ARHGAP26: variants seen among roughly 807,000 people sequenced by gnomAD.
ARHGAP26 encodes Rho GTPase activating protein 26, also known as rho GTPase-activating protein 26.
A neutral mutation model predicts 104.8 loss-of-function variants in ARHGAP26; 38 were observed. The observed-to-expected ratio is 0.36, with a 90% CI of 0.28 to 0.48. The LOEUF (loss-of-function observed/expected upper bound fraction) is 0.48. Among genes scored for constraint, ARHGAP26 ranks in the 20% least tolerant of loss-of-function variants. ARHGAP26 has a pLI of 0.99. For synonymous variants in ARHGAP26, 341 were observed against 340.0 expected (o/e 1.00, Z -0.03); for missense variants, 704 against 947.9 (o/e 0.74, Z 3.38).
At chr5:143,196,918 A>C (rs1234130521) in intron 20 of ARHGAP26, among the ~76,000 whole-genome samples, 8 of 152,188 alleles carry the variant, frequency 5.3e-5, no homozygotes, top group Non-Finnish European at 1.2e-4. Flanking sequence ...GATACATTTT[A>C]GTAAGTAGGT....
intron 1 of ARHGAP26, among the ~76,000 whole-genome samples, chr5:142,782,820 A>T (rs11738496): frequency 6.6e-6 from 1 of 152,158 alleles, no homozygotes; most frequent in Non-Finnish European, 1.5e-5. Flanking sequence ...TAGCAGTGTA[A>T]GCAGGCCTGT....
intron 20 of ARHGAP26, among the ~76,000 whole-genome samples, chr5:143,156,883 AG>A (rs1800530223): frequency 6.6e-6 from 1 of 152,266 alleles, no homozygotes; most frequent in African/African-American, 2.4e-5. Flanking sequence ...CCAAAAGCCC[AG>A]TCAGCTGCTT....
At chr5:143,047,428 T>G (rs1252593040) in intron 14 of ARHGAP26, among the ~76,000 whole-genome samples, 1 of 152,242 alleles carries the variant, frequency 6.6e-6, no homozygotes, top group East Asian at 1.9e-4. Context: ...CCTTCACATG[T>G]TAAATATAAA....
chr5:143,033,150 T>G (rs1782132167), intron 12 of ARHGAP26, among the ~76,000 whole-genome samples: 1 of 152,256 alleles, frequency 6.6e-6, no homozygotes, highest in Non-Finnish European at 1.5e-5. Flanking sequence ...CCATTTGAAC[T>G]TAGACAACTA....
At chr5:142,895,710 C>A (rs1329917472) in intron 6 of ARHGAP26, among the ~76,000 whole-genome samples, 1 of 152,070 alleles carries the variant, frequency 6.6e-6, no homozygotes, top group African/African-American at 2.4e-5. Context: ...GGTGGCCAGG[C>A]ACAGTGGCTC....
chr5:143,004,136 C>G (rs245847), intron 11 of ARHGAP26, among the ~76,000 whole-genome samples: 43,183 of 151,780 alleles, frequency 0.28, 6,973 homozygotes, highest in East Asian at 0.67. Context: ...GAACACTCAT[C>G]AGTGTATAAG....
At position 142,770,672 on chromosome 5, in the gene ARHGAP26, C is replaced by A. The variant is rs1255722689; in HGVS notation, c.-90C>A. ...TGGAGCCGGCGGCCGTCGGGGGAGC[C>A]GGCCGGGGTCCCGCCGCGTGAGTGC... On this transcript the variant is annotated 5_prime_UTR_variant, in exon 1 of 23. Coordinates refer to ENST00000645722, the MANE Select transcript of ARHGAP26 (RefSeq NM_001135608.3). 3.1e-6 allele frequency: 3 copies of A among 973,294 alleles called. No homozygotes were observed. The African/African-American group carries it at 5.3e-5, about 17-fold the overall frequency. 60.3% of individuals were successfully genotyped at this position (973,294 alleles called of 1,614,324 possible). A position where few individuals can be genotyped will look rare whatever the true frequency, so the allele number is the denominator to read the frequency against.
At chr5:143,199,575 G>A (rs1163922769) in intron 20 of ARHGAP26, among the ~76,000 whole-genome samples, 2 of 152,158 alleles carry the variant, frequency 1.3e-5, no homozygotes, top group African/African-American at 2.4e-5. Flanking sequence ...CATCATAGGG[G>A]CAAAATCAAA....
rs183215408 is a variant in ARHGAP26, at chr5:143,055,821, G to T, written c.1374-207G>T. Among the ~76,000 whole-genome samples the T allele has an allele frequency of 1.2e-4, 18 of 152,264 alleles. No homozygotes were observed. The East Asian group carries it at 3.3e-3, about 28-fold the overall frequency. Reference sequence around the variant, plus strand: ...TTAGTGTTGACAATGAAACATAGTTGTGTCTATTCATTTAAGAAAGAGAGA... The same window carrying T: ...TTAGTGTTGACAATGAAACATAGTTTTGTCTATTCATTTAAGAAAGAGAGA... On this transcript the variant is annotated intron_variant, in intron 15 of 22. Transcript: ENST00000645722.
rs186128584 is a variant in ARHGAP26, at chr5:143,104,503, C to A, written c.1539-16485C>A. On this transcript the variant is annotated intron_variant, in intron 17 of 22. Transcript: ENST00000645722. Reference sequence around the variant, plus strand: ...TCCAGTCTGGGCGAGAGAGTGAGAACCTGTCTCAAAAAAACAAAACAAAAC... The same window carrying A: ...TCCAGTCTGGGCGAGAGAGTGAGAAACTGTCTCAAAAAAACAAAACAAAAC... 2.8e-3 allele frequency among the ~76,000 whole-genome samples: 423 copies of A among 152,146 alleles called. 4 individuals carry two copies. The highest frequency in any genetic ancestry group is 1.0e-2 in the African/African-American group (413 of 41,506).
At chr5:142,915,704 A>C (rs899197572) in intron 10 of ARHGAP26, 2 of 152,152 alleles carry the variant, frequency 1.3e-5, no homozygotes, top group African/African-American at 2.4e-5. Flanking sequence ...CCGTCCTAGG[A>C]AACACCTCCT....
At chr5:143,113,826 C>T (rs1391184750) in intron 17 of ARHGAP26, among the ~76,000 whole-genome samples, 1 of 152,116 alleles carries the variant, frequency 6.6e-6, no homozygotes. Flanking sequence ...GATTTTTCCC[C>T]TACGGTGACT....
rs534710165 is a variant in ARHGAP26 at position 143,134,909 on chromosome 5, G to T, written c.1837+804G>T. 4.6e-5 allele frequency among the ~76,000 whole-genome samples: 7 copies of T among 152,378 alleles called. No individual in the cohort carries two copies. In the East Asian group the frequency reaches 1.2e-3, roughly 25 times the overall value. ...GGACATGGCAAGGGCCAATTACTGA[G>T]AGCAGCTACTACCATTATTGGTTAC... On this transcript the variant is annotated intron_variant, in intron 19 of 22. Transcript: ENST00000645722.
chr5:143,174,717 A>G (rs759852166), intron 20 of ARHGAP26, among the ~76,000 whole-genome samples: 4 of 152,220 alleles, frequency 2.6e-5, no homozygotes, highest in Non-Finnish European at 4.4e-5. Context: ...TAGCCGTCAT[A>G]TGAGTATTTT....
intron 1 of ARHGAP26, among the ~76,000 whole-genome samples, chr5:142,810,479 C>G (rs1597722332): frequency 6.6e-6 from 1 of 152,052 alleles, no homozygotes; most frequent in Non-Finnish European, 1.5e-5. Context: ...GTTCCTCTCC[C>G]CTCTCCCCCA....
intron 5 of ARHGAP26, among the ~76,000 whole-genome samples, chr5:142,888,181 A>G (rs557864775): frequency 2.0e-5 from 3 of 152,354 alleles, no homozygotes; most frequent in East Asian, 1.9e-4. Context: ...TGTTTTACAC[A>G]TGAGGAAACT....
At chr5:142,806,565 G>A (rs1763029738) in intron 1 of ARHGAP26, among the ~76,000 whole-genome samples, 1 of 151,940 alleles carries the variant, frequency 6.6e-6, no homozygotes, top group South Asian at 2.1e-4. Flanking sequence ...TCCAAAGAAA[G>A]TTTTGGGAAG....
chr5:142,834,624 A>G (rs1769184417), intron 1 of ARHGAP26, among the ~76,000 whole-genome samples: 1 of 152,190 alleles, frequency 6.6e-6, no homozygotes, highest in Non-Finnish European at 1.5e-5. Context: ...GCCCCTCCCC[A>G]TGTAGTCTTT....
intron 11 of ARHGAP26, among the ~76,000 whole-genome samples, chr5:142,963,365 G>A (rs529791019): frequency 2.0e-5 from 3 of 151,706 alleles, no homozygotes; most frequent in African/African-American, 7.3e-5. Flanking sequence ...ATTCTTTTGG[G>A]TGTATACCCA....
Sources: allele counts gnomAD v4.1 joint callset (sites outside exome capture counted in the v4.1 genomes callset), GRCh38; gene constraint gnomAD v4.1.1; transcripts MANE v1.5; gene names NCBI Gene and HGNC (gene_info 2026-07-23, HGNC 2026-07-21).